WBP2NL: variants seen among roughly 807,000 people sequenced by gnomAD.
WBP2NL encodes postacrosomal sheath WW domain-binding protein.
Under a neutral mutation model 23.3 loss-of-function variants are expected in WBP2NL, and 27 were observed. The ratio of observed to expected loss-of-function variants is 1.16; its 90% CI spans 0.85 to 1.60. The LOEUF is 1.60. WBP2NL is among the 40% of genes most tolerant of loss of function. WBP2NL has a pLI of 0.00. For synonymous variants in WBP2NL, 151 were observed against 145.9 expected (o/e 1.03, Z -0.25); for missense variants, 370 against 389.5 (o/e 0.95, Z 0.42).
chr22:42,020,866 G>GTATA (rs1923845700), intron 4 of WBP2NL, among the ~76,000 whole-genome samples: 10 of 15,586 alleles, frequency 6.4e-4, no homozygotes, highest in African/African-American at 1.2e-3. Context: ...GTGTGTGTGT[G>GTATA]TGTATATATA....
At chr22:42,048,777 A>G (rs1925701729) in intron 8 of WBP2NL, among the ~76,000 whole-genome samples, 1 of 151,514 alleles carries the variant, frequency 6.6e-6, no homozygotes, top group South Asian at 2.1e-4. Context: ...AAAGAAAAGA[A>G]AAAAAAGAAA....
chr22:42,027,583 T>C lies in WBP2NL; in HGVS notation c.*402T>C, dbSNP rs770290526. 1.6e-5 allele frequency: 4 copies of C among 253,140 alleles called. No individual in the cohort carries two copies. Among genetic ancestry groups the C allele is most frequent in the Non-Finnish European group, 7.5e-6 (1 of 133,614 alleles). The allele number at this position is 253,140 out of a possible 1,614,324, so 15.7% of individuals were successfully genotyped here. A position where few individuals can be genotyped will look rare whatever the true frequency, so the allele number is the denominator to read the frequency against. Reference sequence around the variant, plus strand: ...AAACGTCATGTTGAACACTTAGTTGTTTGAGAAAGCTAAATTTTCAATAGT... The same window carrying C: ...AAACGTCATGTTGAACACTTAGTTGCTTGAGAAAGCTAAATTTTCAATAGT... On this transcript the variant is annotated 3_prime_UTR_variant, in exon 6 of 6. Coordinates refer to ENST00000328823, the MANE Select transcript of WBP2NL (RefSeq NM_152613.3).
chr22:42,020,154 GT>G, intron 4 of WBP2NL, 58 bp downstream of exon 4: 2 of 1,474,944 alleles, frequency 1.4e-6, no homozygotes, highest in Non-Finnish European at 1.9e-6. Context: ...GTTTGTTTGG[GT>G]TTTTTGTTGT....
intron 8 of WBP2NL, among the ~76,000 whole-genome samples, chr22:42,054,326 G>A (rs1212094722): frequency 6.6e-5 from 10 of 151,676 alleles, no homozygotes; most frequent in South Asian, 2.1e-4. Flanking sequence ...GATTACAGGC[G>A]CATGGCACCA....
In WBP2NL at chr22:42,019,394, G is replaced by A; in HGVS notation, c.146G>A (p.Gly49Glu). The change falls in exon 2 of 6, where the codon GGA becomes GAA. Residue 49 changes from glycine (G) to glutamate (E), a missense_variant. Gly to Glu is a moderately conservative substitution (Grantham distance 98, BLOSUM62 -2). Transcript: ENST00000328823. ...AATGTCTTTAGTGGTAGAAAGACAGGAACATTGTTTCTCACTTCATACCGG... is the reference window on the plus strand; with the variant it reads ...AATGTCTTTAGTGGTAGAAAGACAGAAACATTGTTTCTCACTTCATACCGG... ...GSNVFSGRKT[G>E]TLFLTSYRVI... 6.2e-7 allele frequency: 1 copy of A among 1,614,066 alleles called. No homozygotes were observed. The highest frequency in any genetic ancestry group is 1.1e-5 in the South Asian group (1 of 91,070).
chr22:42,020,201 G>A (rs1005245166), intron 4 of WBP2NL, 105 bp downstream of exon 4: 5 of 1,167,100 alleles, frequency 4.3e-6, no homozygotes, highest in Non-Finnish European at 6.1e-6. Context: ...TTGTTTTTGA[G>A]ACAGGGATTT....
At chr22:42,014,938 G>T (rs775585466) in intron 1 of WBP2NL, among the ~76,000 whole-genome samples, 3 of 152,128 alleles carry the variant, frequency 2.0e-5, no homozygotes, top group Non-Finnish European at 4.4e-5. Flanking sequence ...TATTTAAAGT[G>T]TTGTCTGATA....
chr22:42,019,895 C>G (rs879160078), intron 3 of WBP2NL, 92 bp downstream of exon 3: 1 of 1,594,958 alleles, frequency 6.3e-7, no homozygotes. Context: ...GAAATTCAAA[C>G]AAAAGCTGCC....
At chr22:42,049,793 A>G (rs1925765935) in intron 8 of WBP2NL, among the ~76,000 whole-genome samples, 1 of 151,698 alleles carries the variant, frequency 6.6e-6, no homozygotes, top group Non-Finnish European at 1.5e-5. Flanking sequence ...GAAAAAAGAA[A>G]AAAATAATTG....
At chr22:42,053,703 C>T (rs1885423121) in intron 8 of WBP2NL, among the ~76,000 whole-genome samples, 1 of 152,080 alleles carries the variant, frequency 6.6e-6, no homozygotes, top group Admixed American at 6.5e-5. Context: ...CATGATCCAC[C>T]TGCCTCGGCC....
At chr22:42,024,516 A>T (rs973885075) in intron 5 of WBP2NL, among the ~76,000 whole-genome samples, 1 of 151,818 alleles carries the variant, frequency 6.6e-6, no homozygotes, top group Admixed American at 6.6e-5. Context: ...AAAAAAAAAA[A>T]TCTATATTAA....
At chr22:42,022,002 G>T (rs138484450) in intron 4 of WBP2NL, among the ~76,000 whole-genome samples, 1 of 151,924 alleles carries the variant, frequency 6.6e-6, no homozygotes, top group Non-Finnish European at 1.5e-5. Flanking sequence ...GTCTTGCCAT[G>T]TTGCCCAGGC....
rs746167212 is a variant in WBP2NL at position 42,019,834 on chromosome 22, T to TC, written c.313+31_313+32insC. 8.1e-6 allele frequency: 13 copies of TC among 1,608,628 alleles called. No individual in the cohort carries two copies. The African/African-American group carries it at 9.4e-5, about 12-fold the overall frequency. On this transcript the variant is annotated intron_variant, in intron 3 of 5. Transcript: ENST00000328823. The stretch of plus-strand genomic sequence containing the variant: ...TGTTCCCTCAGAAGTGTGTATTTTT[T>TC]TTTCCCTCAAAATCTTCTAAAAGGT...
downstream of WBP2NL, among the ~76,000 whole-genome samples, chr22:42,033,886 C>G (rs1925083235): frequency 6.6e-6 from 1 of 152,200 alleles, no homozygotes; most frequent in Non-Finnish European, 1.5e-5. Context: ...CCAGAAAAGC[C>G]ATCACAAGTT....
intron 8 of WBP2NL, among the ~76,000 whole-genome samples, chr22:42,037,992 A>G (rs909463434): frequency 1.3e-5 from 2 of 152,100 alleles, no homozygotes; most frequent in African/African-American, 4.8e-5. Context: ...TGCCCTGGCT[A>G]TGACTTCCAG....
intron 5 of WBP2NL, 104 bp downstream of exon 5, chr22:42,022,460 CT>C: frequency 9.6e-7 from 1 of 1,038,698 alleles, no homozygotes; most frequent in Non-Finnish European, 1.4e-6. Flanking sequence ...AGCAGCAGAG[CT>C]TTAGGGGCTT....
At chr22:42,001,574 T>C (rs1569444530) in intron 1 of WBP2NL, 5 of 1,132,922 alleles carry the variant, frequency 4.4e-6, no homozygotes, top group Non-Finnish European at 4.0e-6. Flanking sequence ...ATCAAGAGGG[T>C]ACACAAAACA....
At chr22:42,032,967 A>T (rs1925043748), downstream of WBP2NL, 1 of 183,976 alleles carries the variant, frequency 5.4e-6, no homozygotes, top group African/African-American at 2.4e-5. Flanking sequence ...TTTTCTGGCC[A>T]GAAACCTCTG....
chr22:42,030,284 T>C (rs1018172016), downstream of WBP2NL, among the ~76,000 whole-genome samples: 11 of 152,240 alleles, frequency 7.2e-5, no homozygotes, highest in Non-Finnish European at 1.6e-4. Flanking sequence ...AGAATGGACT[T>C]CAGGTATCTG....
Sources: allele counts gnomAD v4.1 joint callset (sites outside exome capture counted in the v4.1 genomes callset), GRCh38; gene constraint gnomAD v4.1.1; transcripts MANE v1.5; gene names NCBI Gene and HGNC (gene_info 2026-07-23, HGNC 2026-07-21).